The following TXNL1 variants were observed in gnomAD, a reference collection of about 807,000 sequenced individuals.
TXNL1 encodes thioredoxin like 1.
Under a neutral mutation model 35.5 loss-of-function variants are expected in TXNL1, and 14 were observed. The observed-to-expected ratio is 0.39, with a 90% CI of 0.26 to 0.62. The LOEUF (loss-of-function observed/expected upper bound fraction) is 0.62, where lower values mean the gene tolerates loss of function less well. TXNL1 is among the 20% of genes least tolerant of loss of function. The pLI, the probability that TXNL1 is intolerant of heterozygous loss-of-function variation, is 0.47. For missense variants in TXNL1, 263 were observed against 349.7 expected (o/e 0.75, Z 1.98); for synonymous variants, 110 against 115.5 (o/e 0.95, Z 0.31).
intron 1 of TXNL1, among the ~76,000 whole-genome samples, chr18:56,633,682 T>G (rs2144338796): frequency 6.7e-6 from 1 of 149,158 alleles, no homozygotes; most frequent in African/African-American, 2.5e-5. Context: ...GATACATTCA[T>G]CAATTCAAGA....
At chr18:56,607,856 C>CA (rs1255479775) in intron 7 of TXNL1, among the ~76,000 whole-genome samples, 1 of 151,808 alleles carries the variant, frequency 6.6e-6, no homozygotes, top group Non-Finnish European at 1.5e-5. Flanking sequence ...AACTCCATCT[C>CA]AAAAAAATAA....
intron 6 of TXNL1, among the ~76,000 whole-genome samples, chr18:56,611,356 A>G (rs1408603625): frequency 1.3e-5 from 2 of 151,580 alleles, no homozygotes; most frequent in African/African-American, 4.8e-5. Flanking sequence ...AAAAAAATTA[A>G]CCAGGTGTGG....
Position 56,632,920 on chromosome 18 carries a change from C to A in TXNL1, c.98+5423G>T, listed in dbSNP as rs888049360. Among the ~76,000 whole-genome samples the A allele has an allele frequency of 2.0e-5, 3 of 152,250 alleles. No homozygotes were observed. In the East Asian group the frequency reaches 5.8e-4, roughly 29 times the overall value. On this transcript the variant is annotated intron_variant, in intron 1 of 7. Transcript: ENST00000217515. ...GACTACTGGGCCTGCTTACTCTGTA[C>A]TTCAATAAACTTCCTTCAGTTATCA...
At chr18:56,608,907 T>TCTGCA (rs2144284584) in intron 7 of TXNL1, 1 of 146,002 alleles carries the variant, frequency 6.8e-6, no homozygotes, top group South Asian at 2.1e-4. Flanking sequence ...TAACTGTGCC[T>TCTGCA]CTGCACTGCA....
intron 1 of TXNL1, among the ~76,000 whole-genome samples, chr18:56,629,459 C>G (rs536793405): frequency 6.6e-6 from 1 of 152,166 alleles, no homozygotes. Flanking sequence ...ACCCGGGAAG[C>G]GGAGGTTGCG....
chr18:56,627,568 A>G (rs1168474832), intron 1 of TXNL1, among the ~76,000 whole-genome samples: 1 of 152,230 alleles, frequency 6.6e-6, no homozygotes, highest in African/African-American at 2.4e-5. Context: ...TTGAAAGAAG[A>G]GTCTAGAAAC....
At chr18:56,636,024 T>C (rs1204791947) in intron 1 of TXNL1, among the ~76,000 whole-genome samples, 1 of 152,346 alleles carries the variant, frequency 6.6e-6, no homozygotes. Flanking sequence ...AAATATTTTC[T>C]ATCCACATTT....
Position 56,599,128 on chromosome 18 carries a change from C to T in TXNL1, c.*3899G>A, listed in dbSNP as rs983244712. ...TTCCAAGCTGTGTACAATTTTAGTACATTCAAATTCTAAAGGTTATCTCTT... is the reference window on the plus strand; with the variant it reads ...TTCCAAGCTGTGTACAATTTTAGTATATTCAAATTCTAAAGGTTATCTCTT... On this transcript the variant is annotated 3_prime_UTR_variant, in exon 8 of 8. Coordinates refer to ENST00000217515, the MANE Select transcript of TXNL1 (RefSeq NM_004786.3). The T allele has an allele frequency of 6.6e-6, 1 of 152,096 alleles. No homozygotes were observed. 9.4% of individuals were successfully genotyped at this position (152,096 alleles called of 1,614,324 possible).
At chr18:56,604,775 C>G (rs557030530) in intron 7 of TXNL1, among the ~76,000 whole-genome samples, 1 of 151,996 alleles carries the variant, frequency 6.6e-6, no homozygotes, top group African/African-American at 2.4e-5. Context: ...AACATTCCAA[C>G]GAGGAAAAGA....
intron 1 of TXNL1, among the ~76,000 whole-genome samples, chr18:56,628,490 C>T (rs1416706408): frequency 6.6e-6 from 1 of 152,014 alleles, no homozygotes; most frequent in East Asian, 1.9e-4. Flanking sequence ...AAATACTACA[C>T]AATAATGAAA....
chr18:56,614,644 C>G (rs1221278342), intron 5 of TXNL1, 48 bp from the exon 6 acceptor site: 1 of 1,471,350 alleles, frequency 6.8e-7, no homozygotes, highest in African/African-American at 1.4e-5. Flanking sequence ...CTCAAATATA[C>G]TATACTCCCT....
intron 1 of TXNL1, among the ~76,000 whole-genome samples, chr18:56,636,779 A>T (rs1424020123): frequency 6.6e-6 from 1 of 152,194 alleles, no homozygotes; most frequent in South Asian, 2.1e-4. Flanking sequence ...GAAAAACAAT[A>T]TATCATTGAG....
At chr18:56,608,530 T>C (rs1047447709) in intron 7 of TXNL1, 2 of 152,226 alleles carry the variant, frequency 1.3e-5, no homozygotes, top group Admixed American at 6.5e-5. Context: ...ATTATTCTTG[T>C]AGCAGTTCTC....
At chr18:56,615,217 TGAA>T (rs2024064615) in intron 5 of TXNL1, among the ~76,000 whole-genome samples, 1 of 152,132 alleles carries the variant, frequency 6.6e-6, no homozygotes, top group Non-Finnish European at 1.5e-5. Context: ...ATTTTGTGGC[TGAA>T]GAAGGAAAAG....
Position 56,600,279 on chromosome 18 carries a change from C to CT in TXNL1, c.*2747dup, listed in dbSNP as rs2023794898. ...AAAGGATGGCAGACAGGTTTCAACT[C>CT]TAATTGTTAAGTGGCTGCCTCCAAC... On this transcript the variant is annotated 3_prime_UTR_variant, in exon 8 of 8. Transcript: ENST00000217515. 6.6e-6 allele frequency: 1 copy of CT among 152,302 alleles called. No homozygotes were observed. The highest frequency in any genetic ancestry group is 2.1e-4 in the South Asian group (1 of 4,850). 9.4% of individuals were successfully genotyped at this position (152,302 alleles called of 1,614,324 possible).
chr18:56,606,338 C>T (rs1179558992), intron 7 of TXNL1, among the ~76,000 whole-genome samples: 13 of 152,160 alleles, frequency 8.5e-5, no homozygotes, highest in African/African-American at 2.7e-4. Context: ...GATCACACCA[C>T]TGCACTCCAG....
rs560987439 is a variant in TXNL1 at position 56,597,211 on chromosome 18, C to T, written c.*5816G>A. 9 of 152,234 alleles carry T rather than the reference C, an allele frequency of 5.9e-5. No individual in the cohort carries two copies. In the South Asian group the frequency reaches 1.9e-3, roughly 32 times the overall value. 9.4% of individuals were successfully genotyped at this position (152,234 alleles called of 1,614,324 possible). On this transcript the variant is annotated 3_prime_UTR_variant, in exon 8 of 8. Transcript: ENST00000217515. ...TAAACAAAATACAAGAGAAAAAGCACCTGATAAGATCCTTTAATGACAACT... is the reference window on the plus strand; with the variant it reads ...TAAACAAAATACAAGAGAAAAAGCATCTGATAAGATCCTTTAATGACAACT...
chr18:56,616,048 C>T (rs1163693493), intron 5 of TXNL1, among the ~76,000 whole-genome samples, 197 bp downstream of exon 5: 1 of 151,400 alleles, frequency 6.6e-6, no homozygotes, highest in Non-Finnish European at 1.5e-5. Flanking sequence ...GGGAGAATCA[C>T]TTGAACCCAG....
chr18:56,626,795 G>GTTTTTTTTTT (rs1221334957), intron 1 of TXNL1, among the ~76,000 whole-genome samples: 3 of 29,042 alleles, frequency 1.0e-4, no homozygotes, highest in Non-Finnish European at 1.1e-4. Context: ...CACCAAGCCG[G>GTTTTTTTTTT]TCTTTTTTTT....
Sources: gnomAD v4.1 joint callset for allele counts (sites outside exome capture counted in the v4.1 genomes callset) on GRCh38, gnomAD v4.1.1 for gene constraint, MANE v1.5 for transcripts, NCBI Gene and HGNC (gene_info 2026-07-23, HGNC 2026-07-21) for gene names.